The following YJU2 variants were observed in gnomAD, a reference collection of about 807,000 sequenced individuals.
YJU2 encodes YJU2 splicing factor homolog.
Under a neutral mutation model 39.6 loss-of-function variants are expected in YJU2, and 28 were observed. The ratio of observed to expected loss-of-function variants is 0.71; its 90% CI spans 0.52 to 0.97. The LOEUF (loss-of-function observed/expected upper bound fraction) is 0.97. YJU2 is among the 50% of genes least tolerant of loss of function. The pLI is 0.00. For synonymous variants in YJU2, 184 were observed against 182.4 expected (o/e 1.01, Z -0.07); for missense variants, 328 against 430.4 (o/e 0.76, Z 2.11).
At chr19:4,258,607 C>T (rs377339943) in intron 5 of YJU2, among the ~76,000 whole-genome samples, 184 bp downstream of exon 5, 7 of 152,254 alleles carry the variant, frequency 4.6e-5, no homozygotes, top group African/African-American at 7.2e-5. Flanking sequence ...CTGCCGGGCA[C>T]GGTGACTTAG....
Position 4,262,039 on chromosome 19 carries a change from C to T in YJU2, c.633C>T (p.Ser211=), listed in dbSNP as rs8106603. 9,109 of 1,613,122 alleles carry T rather than the reference C, an allele frequency of 5.6e-3. 449 individuals are homozygous for T. In the African/African-American group the frequency reaches 0.1, roughly 19 times the overall value. The change falls in exon 6 of 8, where the codon TCC becomes TCT. Residue 211 remains serine (S), a synonymous_variant. Coordinates refer to ENST00000262962, the MANE Select transcript of YJU2 (RefSeq NM_018074.6). ...GAAAGCGAAGACTGCTGGAGGACTC[C>T]GACTCAGAGGATGAGGCTGCTCCCT... is the stretch of plus-strand genomic sequence containing the variant. ...EARKRRLLED[S]DSEDEAAPSP...
intron 4 of YJU2, 40 bp downstream of exon 4, chr19:4,254,529 G>T (rs1401416176): frequency 2.0e-6 from 3 of 1,511,318 alleles, no homozygotes; most frequent in Non-Finnish European, 2.7e-6. Flanking sequence ...GGCGCTGTGT[G>T]TGTGGGTGTG....
chr19:4,263,537 G>A (rs536063798), intron 6 of YJU2, among the ~76,000 whole-genome samples: 1 of 152,120 alleles, frequency 6.6e-6, no homozygotes, highest in Non-Finnish European at 1.5e-5. Flanking sequence ...GCCGGGCACC[G>A]TGGCTCAAAG....
In YJU2 at chr19:4,251,683, TAA is replaced by T. The variant is rs34528734; in HGVS notation, c.270+530_270+531del. ...CTGGGTGACAGAGCAAGACTCCAAC[TAA>T]AAAAAAAAAAAAAAAAAGCCAGGCA... On this transcript the variant is annotated intron_variant, in intron 3 of 7. Transcript: ENST00000262962. Among the ~76,000 whole-genome samples the T allele has an allele frequency of 2.2e-3, 230 of 102,802 alleles. 1 individual carries two copies. The highest frequency in any genetic ancestry group is 8.1e-3 in the East Asian group (30 of 3,702). 67.4% of individuals were successfully genotyped at this position (102,802 alleles called of 152,430 possible). A position where few individuals can be genotyped will look rare whatever the true frequency, so the allele number is the denominator to read the frequency against.
At chr19:4,247,579 GCGCGT>G (rs1970932135) in intron 1 of YJU2, among the ~76,000 whole-genome samples, 1 of 52,698 alleles carries the variant, frequency 1.9e-5, no homozygotes, top group African/African-American at 1.8e-4. Context: ...GGGTGGGGTG[GCGCGT>G]GTGTGTGTGT....
chr19:4,268,304 A>C (rs1477368949), intron 7 of YJU2, among the ~76,000 whole-genome samples: 1 of 152,210 alleles, frequency 6.6e-6, no homozygotes, highest in Non-Finnish European at 1.5e-5. Flanking sequence ...GTCCACAGTG[A>C]CTGGACTGTG....
chr19:4,251,961 T>C (rs1001240481), intron 3 of YJU2, among the ~76,000 whole-genome samples: 1 of 151,778 alleles, frequency 6.6e-6, no homozygotes, highest in African/African-American at 2.4e-5. Context: ...CACTCCAGCC[T>C]GAGCAACGAA....
chr19:4,252,325 G>A (rs59032612), intron 3 of YJU2, among the ~76,000 whole-genome samples: 2 of 151,484 alleles, frequency 1.3e-5, no homozygotes, highest in Non-Finnish European at 2.9e-5. Flanking sequence ...TAGGCCGGGC[G>A]CAGTGGCTCA....
intron 4 of YJU2, among the ~76,000 whole-genome samples, chr19:4,255,963 C>T (rs373062576): frequency 1.2e-4 from 18 of 151,690 alleles, no homozygotes; most frequent in Admixed American, 4.6e-4. Flanking sequence ...GCCAAGATCG[C>T]GCCATTGCAC....
intron 4 of YJU2, among the ~76,000 whole-genome samples, chr19:4,257,891 CTG>C (rs1971034835): frequency 6.6e-6 from 1 of 152,206 alleles, no homozygotes; most frequent in Non-Finnish European, 1.5e-5. Flanking sequence ...ACGTGAGCCA[CTG>C]TGCCTGGCCA....
Position 4,262,090 on chromosome 19 carries a change from C to G in YJU2, c.684C>G (p.Pro228=), listed in dbSNP as rs760571709. The change falls in exon 6 of 8, where the codon CCC becomes CCG. Residue 228 remains proline, a synonymous_variant. Transcript: ENST00000262962. ...CGCCCCTGCAGCCAGCCCTTCGGCC[C>G]AACCCCACCGCCATCCTGGATGAGG... ...APSPLQPALR[P]NPTAILDEAP... is the part of the protein sequence containing the mutation. The G allele has an allele frequency of 2.0e-5, 32 of 1,611,142 alleles. No individual in the cohort carries two copies. Among genetic ancestry groups the G allele is most frequent in the Non-Finnish European group, 2.5e-5 (30 of 1,179,886 alleles).
chr19:4,257,327 T>G (rs1971029621), intron 4 of YJU2, among the ~76,000 whole-genome samples: 1 of 152,300 alleles, frequency 6.6e-6, no homozygotes, highest in Non-Finnish European at 1.5e-5. Flanking sequence ...AGAGTCTCGC[T>G]CTGTCACCCA....
rs370659219 is a variant in YJU2 at position 4,251,182 on chromosome 19, C to T, written c.270+11C>T. On this transcript the variant is annotated intron_variant, in intron 3 of 7. Transcript: ENST00000262962. ...GAGATCACCTTCAAGGTAGGTGAGACGGCCGGCCAGGCCGGTCCCTCTCCC... is the reference window on the plus strand; with the variant it reads ...GAGATCACCTTCAAGGTAGGTGAGATGGCCGGCCAGGCCGGTCCCTCTCCC... 20 of 1,611,430 alleles carry T rather than the reference C, an allele frequency of 1.2e-5. No individual in the cohort carries two copies. Among genetic ancestry groups the T allele is most frequent in the Middle Eastern group, 1.8e-4 (1 of 5,694 alleles).
chr19:4,249,569 A>G (rs1970958972), intron 2 of YJU2, among the ~76,000 whole-genome samples: 1 of 152,014 alleles, frequency 6.6e-6, no homozygotes, highest in Non-Finnish European at 1.5e-5. Context: ...ACGTGTGTGC[A>G]GAGAGGATAG....
At position 4,254,344 on chromosome 19, in the gene YJU2, C is replaced by A; in HGVS notation, c.271-11C>A. On this transcript the variant is annotated splice_polypyrimidine_tract_variant and intron_variant, in intron 3 of 7. Coordinates refer to ENST00000262962, the MANE Select transcript of YJU2 (RefSeq NM_018074.6). ...GATGTAGGAGCTGATGTCTGTCTAT[C>A]CTCCCTGCAGACAGACCCTGAAAAC... 1 of 1,608,180 alleles carries A rather than the reference C, an allele frequency of 6.2e-7. No homozygotes were observed. Among genetic ancestry groups the A allele is most frequent in the Non-Finnish European group, 8.5e-7 (1 of 1,175,092 alleles).
At chr19:4,255,947 C>T (rs1971016142) in intron 4 of YJU2, among the ~76,000 whole-genome samples, 1 of 151,834 alleles carries the variant, frequency 6.6e-6, no homozygotes, top group Non-Finnish European at 1.5e-5. Flanking sequence ...GCGGAGGTTG[C>T]AGTGAGCCAA....
chr19:4,258,692 T>G (rs992004913), intron 5 of YJU2, among the ~76,000 whole-genome samples: 1 of 152,216 alleles, frequency 6.6e-6, no homozygotes, highest in Non-Finnish European at 1.5e-5. Flanking sequence ...GAAAGGCATG[T>G]GTGGTGTGTC....
intron 4 of YJU2, among the ~76,000 whole-genome samples, chr19:4,257,700 C>T (rs1403426203): frequency 1.3e-5 from 2 of 152,148 alleles, no homozygotes; most frequent in Non-Finnish European, 2.9e-5. Flanking sequence ...TCTTGAACTC[C>T]TGACCTCAAG....
intron 4 of YJU2, among the ~76,000 whole-genome samples, chr19:4,256,738 G>A (rs765760000): frequency 4.6e-5 from 7 of 152,172 alleles, no homozygotes; most frequent in Non-Finnish European, 8.8e-5. Flanking sequence ...GGAGCCACTC[G>A]CAAACTGGCT....
Sources: allele counts gnomAD v4.1 joint callset (sites outside exome capture counted in the v4.1 genomes callset), GRCh38; gene constraint gnomAD v4.1.1; transcripts MANE v1.5; gene names NCBI Gene and HGNC (gene_info 2026-07-23, HGNC 2026-07-21).